PTPRD: variants seen among roughly 807,000 people sequenced by gnomAD.
The protein encoded by PTPRD is protein tyrosine phosphatase receptor type D.
A neutral mutation model predicts 214.5 loss-of-function variants in PTPRD; 34 were observed. The observed-to-expected ratio is 0.16, with a 90% CI of 0.12 to 0.21. PTPRD has a LOEUF of 0.21. PTPRD is among the 10% of genes least tolerant of loss of function. PTPRD has a pLI of 1.00. For synonymous variants in PTPRD, 1,128 were observed against 845.7 expected (o/e 1.33, Z -5.79); for missense variants, 2,545 against 2,398.7 (o/e 1.06, Z -1.27).
intron 8 of PTPRD, among the ~76,000 whole-genome samples, chr9:9,484,377 G>A (rs904007049): frequency 3.9e-5 from 6 of 152,088 alleles, no homozygotes; most frequent in Admixed American, 3.9e-4. Flanking sequence ...ATAGTAGTTA[G>A]TTCAGGAAAA....
Position 8,501,040 on chromosome 9 carries a change from T to C in PTPRD, c.1842A>G (p.Gln614=). The change falls in exon 24 of 46, where the codon CAA becomes CAG. Residue 614 remains glutamine, a synonymous_variant. Transcript: ENST00000381196. ...AACTTGGGCTGGTGCAACTAATGTC[T>C]TGAGGAGGAGCTGACGGCTCTTATT... ...TMQSKPSAPP[Q]DISCTSPSST... The C allele has an allele frequency of 1.2e-6, 2 of 1,612,958 alleles. No homozygotes were observed. The highest frequency in any genetic ancestry group is 1.3e-5 in the African/African-American group (1 of 74,926).
intron 5 of PTPRD, among the ~76,000 whole-genome samples, chr9:9,903,665 T>C (rs1465718510): frequency 1.3e-5 from 2 of 152,106 alleles, no homozygotes; most frequent in African/African-American, 2.4e-5. Flanking sequence ...ATATGATTGA[T>C]CTCTGTGGAC....
At chr9:8,576,790 C>G (rs2092430299) in intron 14 of PTPRD, among the ~76,000 whole-genome samples, 1 of 152,132 alleles carries the variant, frequency 6.6e-6, no homozygotes, top group African/African-American at 2.4e-5. Context: ...ATCCTAATCT[C>G]AGTGTATGCC....
intron 3 of PTPRD, among the ~76,000 whole-genome samples, chr9:10,183,838 A>T (rs1158684181): frequency 6.6e-6 from 1 of 152,236 alleles, no homozygotes; most frequent in East Asian, 1.9e-4. Context: ...TGAAATGCCA[A>T]TGCATATTAA....
intron 35 of PTPRD, among the ~76,000 whole-genome samples, chr9:8,418,130 G>A (rs1370327243): frequency 6.6e-6 from 1 of 152,076 alleles, no homozygotes; most frequent in Admixed American, 6.6e-5. Context: ...TCCAGCCTTT[G>A]GCTCTGTTTT....
intron 3 of PTPRD, among the ~76,000 whole-genome samples, chr9:10,265,589 T>C (rs1392139741): frequency 6.6e-6 from 1 of 152,170 alleles, no homozygotes; most frequent in Non-Finnish European, 1.5e-5. Context: ...GTGGTCTCTA[T>C]CACAACTACT....
chr9:8,907,619 C>A (rs1202781924), intron 11 of PTPRD, among the ~76,000 whole-genome samples: 1 of 142,144 alleles, frequency 7.0e-6, no homozygotes, highest in Non-Finnish European at 1.5e-5. Flanking sequence ...CTATTAAAAA[C>A]AACTAGATGG....
At chr9:9,021,014 C>T (rs561978248) in intron 10 of PTPRD, among the ~76,000 whole-genome samples, 1 of 152,182 alleles carries the variant, frequency 6.6e-6, no homozygotes, top group African/African-American at 2.4e-5. Flanking sequence ...AGGCAGGACA[C>T]AAAAACATAA....
intron 17 of PTPRD, among the ~76,000 whole-genome samples, chr9:8,526,023 G>T (rs1017209928): frequency 6.6e-6 from 1 of 152,056 alleles, no homozygotes; most frequent in Non-Finnish European, 1.5e-5. Context: ...GATTGTAGAC[G>T]AGTGGGATCA....
chr9:8,687,034 A>C (rs1315995077), intron 12 of PTPRD, among the ~76,000 whole-genome samples: 2 of 152,214 alleles, frequency 1.3e-5, no homozygotes, highest in Non-Finnish European at 2.9e-5. Context: ...AAGAAAAATC[A>C]ATTAAAATTA....
chr9:9,343,286 G>C (rs557836044), intron 9 of PTPRD, among the ~76,000 whole-genome samples: 1 of 152,226 alleles, frequency 6.6e-6, no homozygotes, highest in Admixed American at 6.5e-5. Flanking sequence ...TCTGGGTCTA[G>C]ATCCTTGAAG....
At chr9:10,106,909 G>T (rs1200059284) in intron 3 of PTPRD, among the ~76,000 whole-genome samples, 1 of 151,818 alleles carries the variant, frequency 6.6e-6, no homozygotes, top group Non-Finnish European at 1.5e-5. Context: ...TGGAATTGAT[G>T]CCATAAGGGG....
intron 8 of PTPRD, among the ~76,000 whole-genome samples, chr9:9,536,085 C>A (rs1289008765): frequency 6.6e-6 from 1 of 151,976 alleles, no homozygotes; most frequent in Non-Finnish European, 1.5e-5. Flanking sequence ...GTATCTGTTA[C>A]TGTTACTATT....
intron 7 of PTPRD, among the ~76,000 whole-genome samples, chr9:9,720,329 G>T (rs2097913576): frequency 6.6e-6 from 1 of 152,202 alleles, no homozygotes. Flanking sequence ...GAAGAAGTCA[G>T]TATTAAAAGA....
At chr9:8,860,819 A>G (rs1566684349) in intron 11 of PTPRD, 1 of 152,204 alleles carries the variant, frequency 6.6e-6, no homozygotes, top group Non-Finnish European at 1.5e-5. Context: ...AAAATCATCC[A>G]ACTATTTGGT....
intron 2 of PTPRD, among the ~76,000 whole-genome samples, chr9:10,443,515 T>C (rs1385294324): frequency 2.0e-5 from 3 of 151,676 alleles, no homozygotes; most frequent in Admixed American, 6.6e-5. Flanking sequence ...AAAAGAAATA[T>C]TCTGAATAAA....
chr9:10,235,216 G>A (rs778648567), intron 3 of PTPRD, among the ~76,000 whole-genome samples: 5 of 151,828 alleles, frequency 3.3e-5, no homozygotes, highest in Admixed American at 2.6e-4. Flanking sequence ...TATTAGTGAA[G>A]GATTTAGCTA....
intron 5 of PTPRD, among the ~76,000 whole-genome samples, chr9:9,873,153 G>A (rs1475610457): frequency 6.6e-6 from 1 of 152,080 alleles, no homozygotes; most frequent in African/African-American, 2.4e-5. Flanking sequence ...ATCCGACGAA[G>A]AAATATTATC....
intron 11 of PTPRD, among the ~76,000 whole-genome samples, chr9:8,911,442 A>T (rs58118904): frequency 0.29 from 38,518 of 132,474 alleles, 7,317 homozygotes; most frequent in African/African-American, 0.56. Flanking sequence ...TGTGTGTGTG[A>T]GAGAGAGAGA....
Sources: gnomAD v4.1 joint callset for allele counts (sites outside exome capture counted in the v4.1 genomes callset) on GRCh38, gnomAD v4.1.1 for gene constraint, MANE v1.5 for transcripts, NCBI Gene and HGNC (gene_info 2026-07-23, HGNC 2026-07-21) for gene names.